Variants in ABCG5 observed in about 807,000 individuals in gnomAD.
ABCG5 encodes the protein ATP binding cassette subfamily G member 5, also known as ATP-binding cassette sub-family G member 5.
In ABCG5, 64 loss-of-function variants were observed where a neutral mutation model predicts 64.5. The observed-to-expected ratio is 0.99, with a 90% CI of 0.81 to 1.22. ABCG5 has a LOEUF of 1.22. Ranked by LOEUF, ABCG5 falls within the 50% of genes most tolerant of loss-of-function variation. The pLI is 0.00. For synonymous variants in ABCG5, 385 were observed against 326.3 expected (o/e 1.18, Z -1.94); for missense variants, 908 against 829.5 (o/e 1.09, Z -1.16).
chr2:43,815,858 T>C (rs1245173517), intron 11 of ABCG5, among the ~76,000 whole-genome samples: 1 of 140,214 alleles, frequency 7.1e-6, no homozygotes, highest in African/African-American at 2.7e-5. Flanking sequence ...AAAATTAACG[T>C]GACTCCAGCA....
chr2:43,839,067 C>T (rs1447413028), upstream of ABCG5: 9 of 1,551,020 alleles, frequency 5.8e-6, no homozygotes, highest in Admixed American at 2.0e-5. Flanking sequence ...GCCGGGAAGG[C>T]GGCAGAGGAG....
At chr2:43,814,424 A>C (rs1666685209) in intron 12 of ABCG5, 53 bp downstream of exon 12, 3 of 1,146,716 alleles carry the variant, frequency 2.6e-6, no homozygotes, top group Non-Finnish European at 3.9e-6. Flanking sequence ...CCTCCAAGAA[A>C]TTGCTTCCTC....
upstream of ABCG5, chr2:43,839,156 G>T (rs148770185): frequency 1.9e-6 from 3 of 1,545,600 alleles, no homozygotes; most frequent in South Asian, 2.4e-5. Flanking sequence ...CCTGGTGGGC[G>T]GGTAGGAGAA....
Position 43,812,792 on chromosome 2 carries a change from T to C in ABCG5, c.*324A>G, listed in dbSNP as rs1014472511. On this transcript the variant is annotated 3_prime_UTR_variant, in exon 13 of 13. Coordinates refer to ENST00000405322, the MANE Select transcript of ABCG5 (RefSeq NM_022436.3). ...TAAACATATTTTTAAGCTGACCTAT[T>C]TTTTTCTGTGCCTAGAACAAGGAAA... The C allele has an allele frequency of 8.4e-5, 24 of 285,168 alleles. No homozygotes were observed. The highest frequency in any genetic ancestry group is 3.7e-4 in the African/African-American group (17 of 45,988). The allele number at this position is 285,168 out of a possible 1,614,324, so 17.7% of individuals were successfully genotyped here.
intron 9 of ABCG5, among the ~76,000 whole-genome samples, chr2:43,823,172 C>T (rs1401636612): frequency 6.6e-6 from 1 of 152,170 alleles, no homozygotes; most frequent in Non-Finnish European, 1.5e-5. Flanking sequence ...ATTTCCTTCT[C>T]TCTAAAGTGG....
rs747516136 is a variant in ABCG5, at chr2:43,826,480, T to C, written c.676A>G (p.Met226Val). 6.2e-7 allele frequency: 1 copy of C among 1,614,212 alleles called. No homozygotes were observed. The highest frequency in any genetic ancestry group is 1.7e-5 in the Admixed American group (1 of 60,028). ...AGGACGACAATCTGATTAGCAGTCA[T>C]GCAGTCCAGGCCTGTGGTTGGCTCA... ...FDEPTTGLDC[M>V]TANQIVVLLV... The change falls in exon 6 of 13, where the codon ATG becomes GTG. Residue 226 changes from methionine (M) to valine (V), a missense_variant. Coordinates refer to ENST00000405322, the MANE Select transcript of ABCG5 (RefSeq NM_022436.3).
At position 43,822,792 on chromosome 2, in the gene ABCG5, C is replaced by T. The variant is rs372595004; in HGVS notation, c.1463+5G>A. On this transcript the variant is annotated splice_donor_5th_base_variant and intron_variant, in intron 10 of 12. Transcript: ENST00000405322. ...CGGCCCTGGGTGAACTGAACAACCCCTCACCAGTAGCACACACTGCTGAAA... is the reference window on the plus strand; with the variant it reads ...CGGCCCTGGGTGAACTGAACAACCCTTCACCAGTAGCACACACTGCTGAAA... 18 of 1,614,020 alleles carry T rather than the reference C, an allele frequency of 1.1e-5. No individual in the cohort carries two copies. The highest frequency in any genetic ancestry group is 1.4e-5 in the Non-Finnish European group (17 of 1,180,026).
chr2:43,828,866 A>G (rs943127429), intron 4 of ABCG5, among the ~76,000 whole-genome samples: 9 of 147,478 alleles, frequency 6.1e-5, no homozygotes, highest in Admixed American at 5.5e-4. Flanking sequence ...CTCGGAGGCT[A>G]AGGCAGGAGA....
In ABCG5 at chr2:43,838,053, T is replaced by C. The variant is rs1572809296; in HGVS notation, c.144-98A>G. ...TGATCCTACCTGTGCCCCACCCCAG[T>C]AGTCTCCGGACAGGCTCCTAACGTG... On this transcript the variant is annotated intron_variant, in intron 1 of 12. Transcript: ENST00000405322. This position sits in a 1 kb window ranked among gnomAD's most constrained non-coding sequence, Gnocchi z 4.2. 6.5e-6 allele frequency: 10 copies of C among 1,537,000 alleles called. No individual in the cohort carries two copies. In the East Asian group the frequency reaches 9.1e-5, roughly 14 times the overall value.
intron 2 of ABCG5, chr2:43,832,548 A>G (rs1415939475): frequency 5.6e-6 from 1 of 177,094 alleles, no homozygotes; most frequent in East Asian, 1.4e-4. Context: ...CTTGCTCACA[A>G]AGCAAGCAGC....
In ABCG5 at chr2:43,828,493, A is replaced by G. The variant is rs1340155803; in HGVS notation, c.502-378T>C. 1.9e-5 allele frequency: 7 copies of G among 371,408 alleles called. No individual in the cohort carries two copies. In the East Asian group the frequency reaches 4.3e-4, roughly 23 times the overall value. The allele number at this position is 371,408 out of a possible 1,614,324, so 23.0% of individuals were successfully genotyped here. A position where few individuals can be genotyped will look rare whatever the true frequency, so the allele number is the denominator to read the frequency against. ...TCTACAAAAAAAAAAAAAAAAAAAA[A>G]GAAAGAAAAAAACAATAAATTAGCC... On this transcript the variant is annotated intron_variant, in intron 4 of 12. Coordinates refer to ENST00000405322, the MANE Select transcript of ABCG5 (RefSeq NM_022436.3).
chr2:43,824,730 G>A, intron 7 of ABCG5, 159 bp downstream of exon 7: 4 of 924,164 alleles, frequency 4.3e-6, no homozygotes, highest in Non-Finnish European at 5.2e-6. Context: ...GTCATCTCTG[G>A]CAAGTTCATT....
intron 10 of ABCG5, chr2:43,822,410 C>CTCT (rs1482153593): frequency 1.6e-6 from 1 of 634,208 alleles, no homozygotes; most frequent in African/African-American, 2.0e-5. Context: ...GGTTGCTGTC[C>CTCT]TCTTCCCACC....
At chr2:43,837,684 C>T (rs1668365410) in intron 2 of ABCG5, 150 bp downstream of exon 2, 1 of 1,035,868 alleles carries the variant, frequency 9.7e-7, no homozygotes, top group Non-Finnish European at 1.5e-6. Context: ...AAAGATTTCA[C>T]ATTGGTAGCA....
intron 5 of ABCG5, 143 bp downstream of exon 5, chr2:43,827,840 G>T (rs1042686749): frequency 1.5e-6 from 2 of 1,306,562 alleles, no homozygotes; most frequent in Admixed American, 2.1e-5. Flanking sequence ...AAAAAAACTG[G>T]GTCCTCAGTT....
intron 2 of ABCG5, among the ~76,000 whole-genome samples, chr2:43,834,934 G>T (rs1668169220): frequency 6.6e-6 from 1 of 152,146 alleles, no homozygotes. Context: ...CTTGAGATAA[G>T]ACACCAATGA....
intron 11 of ABCG5, 127 bp downstream of exon 11, chr2:43,819,788 C>T (rs1290875990): frequency 2.0e-6 from 2 of 1,011,154 alleles, no homozygotes; most frequent in African/African-American, 3.2e-5. Context: ...AGTATAAATG[C>T]TCTAGACTAT....
chr2:43,837,693 C>T, intron 2 of ABCG5, 141 bp downstream of exon 2: 1 of 1,102,874 alleles, frequency 9.1e-7, no homozygotes. Flanking sequence ...ACATTGGTAG[C>T]AGTTCCATTC....
At chr2:43,806,832 C>G in the ABCG5 span, among the ~76,000 whole-genome samples, 2 of 152,058 alleles carry the variant, frequency 1.3e-5, no homozygotes, top group Non-Finnish European at 2.9e-5. Context: ...CCATATCACC[C>G]TTCATTCATC....
Sources: gnomAD v4.1 joint callset for allele counts (sites outside exome capture counted in the v4.1 genomes callset) on GRCh38, gnomAD v4.1.1 for gene constraint, Gnocchi (gnomAD v3.1) non-coding constraint, MANE v1.5 for transcripts, NCBI Gene and HGNC (gene_info 2026-07-23, HGNC 2026-07-21) for gene names.